MPND: variants seen among roughly 807,000 people sequenced by gnomAD.
MPND encodes MPN domain-containing protein.
MPND carries 56 observed loss-of-function variants against 59.2 expected under a neutral mutation model. The observed-to-expected ratio is 0.95, with a 90% CI of 0.76 to 1.18. MPND has a LOEUF of 1.18. Ranked by LOEUF, MPND falls within the 50% of genes most tolerant of loss-of-function variation. The probability of loss-of-function intolerance (pLI) is 0.00; values close to 1 mark genes in which losing one functional copy is unlikely to be tolerated. For missense variants in MPND, 671 were observed against 676.0 expected (o/e 0.99, Z 0.08); for synonymous variants, 323 against 291.9 (o/e 1.11, Z -1.09).
rs531378930 is a variant in MPND, at chr19:4,352,843, G to A, written c.532-54G>A. The A allele has an allele frequency of 9.9e-6, 13 of 1,312,490 alleles. No individual in the cohort carries two copies. The African/African-American group carries it at 1.1e-4, about 11-fold the overall frequency. 81.3% of individuals were successfully genotyped at this position (1,312,490 alleles called of 1,614,324 possible). ...CTGGGGTGGGATTTAGCAGGGAGCGGGGGGGCACCCAGCTGAGGGTCCCAC... is the reference window on the plus strand; with the variant it reads ...CTGGGGTGGGATTTAGCAGGGAGCGAGGGGGCACCCAGCTGAGGGTCCCAC... On this transcript the variant is annotated intron_variant, in intron 3 of 12. Transcript: ENST00000599840.
intron 3 of MPND, chr19:4,347,838 A>C: frequency 3.2e-6 from 1 of 308,348 alleles, no homozygotes; most frequent in Non-Finnish European, 6.5e-6. Flanking sequence ...GGAACTGGCA[A>C]ATGTTCTTGC....
At chr19:4,345,362 T>C (rs1489295892) in intron 2 of MPND, among the ~76,000 whole-genome samples, 2 of 152,192 alleles carry the variant, frequency 1.3e-5, no homozygotes, top group Non-Finnish European at 2.9e-5. Context: ...TTATTACTAT[T>C]ACTGTTGTCA....
chr19:4,347,158 G>GT (rs1257260620), intron 3 of MPND: 2 of 150,738 alleles, frequency 1.3e-5, no homozygotes, highest in African/African-American at 4.9e-5. Flanking sequence ...TTTTTTTTCT[G>GT]TTTTTGCTGT....
At chr19:4,359,316 C>T in intron 12 of MPND, 61 bp downstream of exon 12, 1 of 1,300,860 alleles carries the variant, frequency 7.7e-7, no homozygotes, top group South Asian at 1.2e-5. Context: ...CCTGGGCAGC[C>T]TAAAAGGTGG....
At position 4,357,241 on chromosome 19, in the gene MPND, C is replaced by T; in HGVS notation, c.997-12C>T. The T allele has an allele frequency of 6.3e-7, 1 of 1,577,100 alleles. No individual in the cohort carries two copies. Among genetic ancestry groups the T allele is most frequent in the Non-Finnish European group, 8.6e-7 (1 of 1,159,918 alleles). On this transcript the variant is annotated splice_polypyrimidine_tract_variant and intron_variant, in intron 8 of 12. Coordinates refer to ENST00000599840, the MANE Select transcript of MPND (RefSeq NM_001300862.2). ...GGCCCCTGTGCCCGCTGAGCTGCGC[C>T]TCTGTCCCCAGATCTACCAGAGCCT...
rs1481346751 is a variant in MPND, at chr19:4,357,404, G to C, written c.1148G>C (p.Cys383Ser). ...GGCTCCAGCAATGGCTTCCAGCCCT[G>C]CCTCGCCCTGCTCTGCTGTACGCGG... ...LQGSSNGFQP[C>S]LALLCSPYYS... The change falls in exon 9 of 13, where the codon TGC becomes TCC. Residue 383 changes from cysteine (C) to serine (S), a missense_variant. Physicochemically the swap from Cys to Ser is moderately radical, Grantham distance 112. Transcript: ENST00000599840. 4 of 1,612,618 alleles carry C rather than the reference G, an allele frequency of 2.5e-6. No homozygotes were observed. Among genetic ancestry groups the C allele is most frequent in the Non-Finnish European group, 2.5e-6 (3 of 1,179,792 alleles).
At chr19:4,346,050 C>A in intron 3 of MPND, 69 bp downstream of exon 3, 1 of 1,333,398 alleles carries the variant, frequency 7.5e-7, no homozygotes, top group Non-Finnish European at 1.1e-6. Flanking sequence ...CAGCCTGGCA[C>A]AGCTCTCTCC....
chr19:4,355,686 G>A (rs1408700105), intron 8 of MPND, among the ~76,000 whole-genome samples: 1 of 151,678 alleles, frequency 6.6e-6, no homozygotes. Flanking sequence ...GGTCAGGATG[G>A]TCTTGATCTC....
intron 3 of MPND, chr19:4,347,815 C>A (rs1972219588): frequency 2.8e-6 from 1 of 359,962 alleles, no homozygotes. Flanking sequence ...CTTAGTCAGT[C>A]CAGTGTCTAC....
chr19:4,358,160 C>T lies in MPND; in HGVS notation c.1314C>T (p.Ile438=), dbSNP rs1972487229. The T allele has an allele frequency of 1.9e-6, 3 of 1,551,360 alleles. No homozygotes were observed. Among genetic ancestry groups the T allele is most frequent in the East Asian group, 4.9e-5 (2 of 40,926 alleles). ...AGGACAGCTTCCTGACCAATGACAT[C>T]CTTCACGAGATGGTGAGCTCGCTGC... ...YVQDSFLTND[I]LHEMMLLVEF... The change falls in exon 11 of 13, where the codon ATC becomes ATT. Residue 438 remains isoleucine, a synonymous_variant. Coordinates refer to ENST00000599840, the MANE Select transcript of MPND (RefSeq NM_001300862.2).
At chr19:4,358,769 A>G (rs189318396) in intron 11 of MPND, among the ~76,000 whole-genome samples, 2 of 152,334 alleles carry the variant, frequency 1.3e-5, no homozygotes, top group Admixed American at 1.3e-4. Context: ...TCTGGGCCAC[A>G]GAGTGAGACC....
chr19:4,357,414 G>A lies in MPND; in HGVS notation c.1158G>A (p.Leu386=), dbSNP rs765664221. The part of the protein sequence containing the change: ...SSNGFQPCLA[L]LCSPYYSGNP... ...ATGGCTTCCAGCCCTGCCTCGCCCTGCTCTGCTGTACGCGGGATGGGGCTG... is the reference window on the plus strand; with the variant it reads ...ATGGCTTCCAGCCCTGCCTCGCCCTACTCTGCTGTACGCGGGATGGGGCTG... The change falls in exon 9 of 13, where the codon CTG becomes CTA. Residue 386 remains leucine, a synonymous_variant. Transcript: ENST00000599840. 3 of 1,612,364 alleles carry A rather than the reference G, an allele frequency of 1.9e-6. No individual in the cohort carries two copies. The highest frequency in any genetic ancestry group is 2.5e-6 in the Non-Finnish European group (3 of 1,179,574).
rs373286625 is a variant in MPND, at chr19:4,358,041, C to T, written c.1237-42C>T. On this transcript the variant is annotated intron_variant, in intron 10 of 12. Coordinates refer to ENST00000599840, the MANE Select transcript of MPND (RefSeq NM_001300862.2). ...AATTGTCCCCAGCTGCCATGGGCTG[C>T]GGGCTGGTGAGGCTTCTCTCACTGG... 8.7e-4 allele frequency: 1,305 copies of T among 1,501,410 alleles called. 6 individuals are homozygous for T. In the African/African-American group the frequency reaches 0.01, roughly 12 times the overall value. 93.0% of individuals were successfully genotyped at this position (1,501,410 alleles called of 1,614,324 possible).
chr19:4,357,089 A>G, intron 8 of MPND, 164 bp from the exon 9 acceptor site: 1 of 581,464 alleles, frequency 1.7e-6, no homozygotes, highest in Non-Finnish European at 2.7e-6. Flanking sequence ...CTGTCTCTCC[A>G]GCTCCCACTG....
chr19:4,344,790 A>G (rs1972147988), intron 2 of MPND, among the ~76,000 whole-genome samples: 1 of 146,730 alleles, frequency 6.8e-6, no homozygotes, highest in South Asian at 2.2e-4. Context: ...CCAGGCTGGA[A>G]TGCAGTTGCT....
At chr19:4,357,623 A>C (rs1198250747) in intron 10 of MPND, 38 bp downstream of exon 10, 1 of 1,576,520 alleles carries the variant, frequency 6.3e-7, no homozygotes, top group Admixed American at 1.8e-5. Flanking sequence ...GGGGCCCGGG[A>C]GCACTGGGGC....
chr19:4,346,114 A>G (rs904135351), intron 3 of MPND, 133 bp downstream of exon 3: 4 of 746,494 alleles, frequency 5.4e-6, no homozygotes, highest in Middle Eastern at 3.8e-4. Flanking sequence ...ACCACGTGAC[A>G]TGCCTCCTCC....
intron 3 of MPND, 55 bp from the exon 4 acceptor site, chr19:4,352,842 G>T (rs540006619): frequency 4.6e-6 from 6 of 1,299,050 alleles, no homozygotes; most frequent in Admixed American, 3.3e-5. Flanking sequence ...AGCAGGGAGC[G>T]GGGGGGCACC....
intron 2 of MPND, among the ~76,000 whole-genome samples, chr19:4,344,842 AT>A (rs1972149447): frequency 7.0e-6 from 1 of 142,424 alleles, no homozygotes; most frequent in Non-Finnish European, 1.5e-5. Context: ...GGTTCAAGCG[AT>A]TTTCTGCCTC....
Sources: gnomAD v4.1 joint callset for allele counts (sites outside exome capture counted in the v4.1 genomes callset) on GRCh38, gnomAD v4.1.1 for gene constraint, MANE v1.5 for transcripts, NCBI Gene and HGNC (gene_info 2026-07-23, HGNC 2026-07-21) for gene names.